The following GPHN variants were observed in gnomAD, a reference collection of about 807,000 sequenced individuals.
GPHN encodes the protein gephyrin.
A neutral mutation model predicts 95.5 loss-of-function variants in GPHN; 17 were observed. The observed-to-expected ratio is 0.18, with a 90% CI of 0.12 to 0.27. GPHN has a LOEUF of 0.27. Among genes scored for constraint, GPHN ranks in the 10% least tolerant of loss-of-function variants. GPHN has a pLI of 1.00. For synonymous variants in GPHN, 320 were observed against 322.5 expected (o/e 0.99, Z 0.08); for missense variants, 660 against 978.1 (o/e 0.67, Z 4.34).
At chr14:66,706,359 A>G (rs569924269) in intron 2 of GPHN, among the ~76,000 whole-genome samples, 2 of 152,294 alleles carry the variant, frequency 1.3e-5, no homozygotes, top group South Asian at 4.2e-4. Flanking sequence ...AGCCAAGACA[A>G]TCCTAACCAA....
chr14:66,940,081 T>A (rs1225101605), intron 8 of GPHN, among the ~76,000 whole-genome samples: 1 of 152,134 alleles, frequency 6.6e-6, no homozygotes, highest in Non-Finnish European at 1.5e-5. Context: ...GACTTCTGGG[T>A]TCCTGTCCCC....
intron 1 of GPHN, among the ~76,000 whole-genome samples, chr14:66,585,565 T>C (rs1056560895): frequency 2.0e-5 from 3 of 152,216 alleles, no homozygotes; most frequent in African/African-American, 7.2e-5. Context: ...TTTAAATGTG[T>C]CCCAGAGATT....
chr14:67,288,087 T>C, the GPHN span, among the ~76,000 whole-genome samples: 1 of 152,064 alleles, frequency 6.6e-6, no homozygotes, highest in Non-Finnish European at 1.5e-5. Flanking sequence ...GTCTCCCTTT[T>C]TTTTTCCTTC....
the GPHN span, among the ~76,000 whole-genome samples, chr14:67,643,816 T>C: frequency 3.5e-5 from 5 of 141,120 alleles, no homozygotes; most frequent in African/African-American, 1.4e-4. Flanking sequence ...AAATCTTTGT[T>C]ACATCTGGAG....
intron 8 of GPHN, among the ~76,000 whole-genome samples, chr14:66,925,426 A>G (rs958850372): frequency 6.6e-5 from 10 of 151,896 alleles, no homozygotes; most frequent in Non-Finnish European, 1.2e-4. Context: ...CACTCCCCCT[A>G]CCCACCCTCT....
chr14:67,570,056 GC>G, the GPHN span: 3 of 1,294,012 alleles, frequency 2.3e-6, no homozygotes, highest in Non-Finnish European at 3.3e-6. Context: ...ATCAGGAAAG[GC>G]CCCTGGCCTC....
At chr14:67,302,393 CAT>C in the GPHN span, 3 of 1,449,448 alleles carry the variant, frequency 2.1e-6, no homozygotes, top group Non-Finnish European at 2.8e-6. Context: ...TTAAATTATA[CAT>C]ATATATATTT....
intron 2 of GPHN, among the ~76,000 whole-genome samples, chr14:66,718,077 C>CA: frequency 6.6e-6 from 1 of 152,234 alleles, no homozygotes; most frequent in East Asian, 1.9e-4. Context: ...CCCGAGTGTA[C>CA]ACCCTTTGTG....
At chr14:66,541,503 TGAA>T (rs1332296991) in intron 1 of GPHN, among the ~76,000 whole-genome samples, 1 of 152,238 alleles carries the variant, frequency 6.6e-6, no homozygotes, top group Non-Finnish European at 1.5e-5. Flanking sequence ...AAAATACCTA[TGAA>T]GAAGGTTAAG....
intron 2 of GPHN, among the ~76,000 whole-genome samples, chr14:66,683,595 G>C (rs915802364): frequency 7.2e-6 from 1 of 139,414 alleles, no homozygotes; most frequent in Non-Finnish European, 1.5e-5. Context: ...CATTGATTCA[G>C]GTATACTAGA....
intron 11 of GPHN, among the ~76,000 whole-genome samples, chr14:67,063,793 CTT>C (rs1271190863): frequency 6.6e-6 from 1 of 152,180 alleles, no homozygotes; most frequent in Non-Finnish European, 1.5e-5. Context: ...TATCTTGAGA[CTT>C]TGCTGAAGTT....
chr14:67,656,312 C>T, the GPHN span: 1 of 1,093,660 alleles, frequency 9.1e-7, no homozygotes. Flanking sequence ...AGACTATTCC[C>T]TGAATACAGA....
intron 1 of GPHN, among the ~76,000 whole-genome samples, chr14:66,586,818 A>G (rs963831011): frequency 6.6e-6 from 1 of 152,160 alleles, no homozygotes; most frequent in Non-Finnish European, 1.5e-5. Flanking sequence ...TCCCACTAAA[A>G]CAGTCTAATG....
At chr14:67,309,126 T>C in the GPHN span, among the ~76,000 whole-genome samples, 1 of 152,210 alleles carries the variant, frequency 6.6e-6, no homozygotes, top group Admixed American at 6.5e-5. Flanking sequence ...TGATCAGATA[T>C]ACTGTTCTGA....
intron 8 of GPHN, among the ~76,000 whole-genome samples, chr14:66,957,991 C>G (rs1429823221): frequency 6.6e-6 from 1 of 152,148 alleles, no homozygotes. Context: ...AACCCCCAGT[C>G]CGTAGAAAAA....
intron 4 of GPHN, among the ~76,000 whole-genome samples, chr14:66,846,661 G>C (rs964688812): frequency 6.6e-6 from 1 of 152,082 alleles, no homozygotes; most frequent in Non-Finnish European, 1.5e-5. Context: ...CTTAAATGTC[G>C]ATAGGAATCT....
chr14:67,358,366 C>A, the GPHN span, among the ~76,000 whole-genome samples: 4 of 152,008 alleles, frequency 2.6e-5, no homozygotes, highest in Non-Finnish European at 5.9e-5. Context: ...ATTTAGTCAC[C>A]GGGCAGAAAG....
the GPHN span, among the ~76,000 whole-genome samples, chr14:67,284,230 T>G: frequency 3.3e-5 from 5 of 152,058 alleles, no homozygotes; most frequent in Admixed American, 1.3e-4. Flanking sequence ...AAAAATAACT[T>G]TATTAAGGTA....
At chr14:67,223,833 T>C in the GPHN span, 1 of 985,794 alleles carries the variant, frequency 1.0e-6, no homozygotes, top group South Asian at 4.7e-5. Context: ...CTGTTCCCCT[T>C]CCATACACTT....
Sources: gnomAD v4.1 joint callset for allele counts (sites outside exome capture counted in the v4.1 genomes callset) on GRCh38, gnomAD v4.1.1 for gene constraint, MANE v1.5 for transcripts, NCBI Gene and HGNC (gene_info 2026-07-23, HGNC 2026-07-21) for gene names.